Variants in MYO18B observed in about 807,000 individuals in gnomAD.
The protein encoded by MYO18B is unconventional myosin-XVIIIb.
MYO18B carries 204 observed loss-of-function variants against 273.0 expected under a neutral mutation model. The observed-to-expected ratio is 0.75, with a 90% CI of 0.67 to 0.84. The LOEUF is 0.84. Ranked by LOEUF, MYO18B falls within the 40% of genes least tolerant of loss-of-function variation. MYO18B has a pLI of 0.00. For missense variants in MYO18B, 3,212 were observed against 3,287.6 expected (o/e 0.98, Z 0.56); for synonymous variants, 1,330 against 1,305.7 (o/e 1.02, Z -0.40).
At position 25,927,384 on chromosome 22, in the gene MYO18B, G is replaced by C. The variant is rs543453878; in HGVS notation, c.5517+5975G>C. On this transcript the variant is annotated intron_variant, in intron 34 of 43. Transcript: ENST00000335473. ...CCCCTAGGTGCGCCTGTCTCTTATG[G>C]TCGAGACTGCAGGGGTGAAAGAGAC... 3.2e-4 allele frequency among the ~76,000 whole-genome samples: 48 copies of C among 152,232 alleles called. No individual in the cohort carries two copies. The South Asian group carries it at 4.4e-3, about 14-fold the overall frequency.
intron 39 of MYO18B, among the ~76,000 whole-genome samples, chr22:25,984,102 A>G (rs532993741): frequency 2.2e-4 from 34 of 151,982 alleles, no homozygotes; most frequent in African/African-American, 8.0e-4. Context: ...CGTGCTACCA[A>G]TTTAGGTAGG....
At position 25,916,415 on chromosome 22, in the gene MYO18B, C is replaced by T. The variant is rs374371096; in HGVS notation, c.5365-4842C>T. 1.3e-3 allele frequency among the ~76,000 whole-genome samples: 196 copies of T among 152,138 alleles called. 1 individual carries two copies. The highest frequency in any genetic ancestry group is 4.6e-3 in the African/African-American group (192 of 41,498). On this transcript the variant is annotated intron_variant, in intron 33 of 43. Coordinates refer to ENST00000335473, the MANE Select transcript of MYO18B (RefSeq NM_032608.7). ...AGTTTTAGTATTAAAATGTTTAACT[C>T]ACCTTCAATATTTTTTATCCCACTT...
chr22:25,946,693 G>T (rs1365017242), intron 35 of MYO18B, among the ~76,000 whole-genome samples: 1 of 152,138 alleles, frequency 6.6e-6, no homozygotes, highest in South Asian at 2.1e-4. Context: ...CACCCTGCTT[G>T]CCACTCTAAG....
chr22:25,813,332 G>T (rs899359605), intron 12 of MYO18B, among the ~76,000 whole-genome samples: 1 of 151,918 alleles, frequency 6.6e-6, no homozygotes, highest in Non-Finnish European at 1.5e-5. Context: ...TTACAGGCAT[G>T]AGCCACCGCA....
intron 8 of MYO18B, among the ~76,000 whole-genome samples, 172 bp downstream of exon 8, chr22:25,777,953 T>C (rs577843245): frequency 2.6e-5 from 4 of 152,310 alleles, no homozygotes; most frequent in African/African-American, 9.6e-5. Flanking sequence ...TGGGATGCAT[T>C]TGTTGAAATT....
chr22:26,056,665 T>C, the MYO18B span, among the ~76,000 whole-genome samples: 1 of 152,192 alleles, frequency 6.6e-6, no homozygotes, highest in Non-Finnish European at 1.5e-5. Flanking sequence ...CCTACTCAGC[T>C]CTTCGTTCCC....
intron 8 of MYO18B, 133 bp from the exon 9 acceptor site, chr22:25,779,923 G>GA (rs2087063659): frequency 7.7e-6 from 9 of 1,162,670 alleles, no homozygotes; most frequent in Non-Finnish European, 1.1e-5. Context: ...AAGCTCACAG[G>GA]AAGCCCACCG....
chr22:25,874,223 A>ACCG, intron 22 of MYO18B, 63 bp from the exon 23 acceptor site: 2 of 1,591,344 alleles, frequency 1.3e-6, no homozygotes, highest in South Asian at 1.1e-5. Flanking sequence ...ATTTGCAAGC[A>ACCG]CCCCCCCATT....
At chr22:25,938,611 G>T (rs920087440) in intron 34 of MYO18B, among the ~76,000 whole-genome samples, 1 of 152,306 alleles carries the variant, frequency 6.6e-6, no homozygotes, top group South Asian at 2.1e-4. Context: ...AAGTGGCCAC[G>T]CAGTGCGTAA....
intron 20 of MYO18B, among the ~76,000 whole-genome samples, chr22:25,849,002 A>G (rs1415581365): frequency 6.6e-6 from 1 of 152,238 alleles, no homozygotes; most frequent in Non-Finnish European, 1.5e-5. Flanking sequence ...TCCGCTGAGC[A>G]TATCAATGAT....
rs746094738 is a variant in MYO18B, at chr22:25,769,080, C to T, written c.1164C>T (p.Ser388=). 1.2e-6 allele frequency: 2 copies of T among 1,613,054 alleles called. No homozygotes were observed. Among genetic ancestry groups the T allele is most frequent in the South Asian group, 1.1e-5 (1 of 90,844 alleles). Residue 388 remains serine (S), a synonymous_variant, in exon 4 of 44, where the codon TCC becomes TCT. Coordinates refer to ENST00000335473, the MANE Select transcript of MYO18B (RefSeq NM_032608.7). ...GCACGACTGGGAAGGCAGGTGAGTCCTGGGATAAGAAGGAAAAGATGGGGC... is the reference window on the plus strand; with the variant it reads ...GCACGACTGGGAAGGCAGGTGAGTCTTGGGATAAGAAGGAAAAGATGGGGC... ...LRSTTGKAGE[S]WDKKEKMGQP... is the part of the protein sequence containing the mutation.
At chr22:25,872,664 CT>C (rs60248500) in intron 22 of MYO18B, among the ~76,000 whole-genome samples, 13 of 149,204 alleles carry the variant, frequency 8.7e-5, no homozygotes, top group African/African-American at 9.8e-5. Flanking sequence ...GGGCCAATGC[CT>C]TTTTTTTTTA....
At chr22:25,759,875 A>G (rs527409868) in intron 1 of MYO18B, among the ~76,000 whole-genome samples, 1 of 152,182 alleles carries the variant, frequency 6.6e-6, no homozygotes, top group Non-Finnish European at 1.5e-5. Flanking sequence ...TTTCAATGCT[A>G]CAGTCAACAT....
intron 20 of MYO18B, among the ~76,000 whole-genome samples, chr22:25,849,905 G>A (rs1401688781): frequency 6.6e-6 from 1 of 152,214 alleles, no homozygotes; most frequent in Non-Finnish European, 1.5e-5. Flanking sequence ...TCCTCATAGT[G>A]ACCATGTGAA....
At chr22:25,777,537 A>AG in intron 7 of MYO18B, 46 bp from the exon 8 acceptor site, 1 of 1,534,024 alleles carries the variant, frequency 6.5e-7, no homozygotes, top group Non-Finnish European at 8.8e-7. Context: ...AATGCTCCCT[A>AG]GGCAGTGGCT....
At chr22:25,850,677 A>G (rs1204329303) in intron 20 of MYO18B, among the ~76,000 whole-genome samples, 3 of 152,082 alleles carry the variant, frequency 2.0e-5, no homozygotes, top group African/African-American at 4.8e-5. Flanking sequence ...TCCTGGGCTC[A>G]AGTAATTCTC....
intron 39 of MYO18B, among the ~76,000 whole-genome samples, chr22:25,958,429 C>T (rs1246412143): frequency 6.6e-6 from 1 of 152,134 alleles, no homozygotes; most frequent in East Asian, 1.9e-4. Flanking sequence ...CTTCCAAATA[C>T]TGGATGTCCT....
chr22:25,919,504 T>G (rs1292248973), intron 33 of MYO18B, among the ~76,000 whole-genome samples: 1 of 152,246 alleles, frequency 6.6e-6, no homozygotes, highest in Non-Finnish European at 1.5e-5. Flanking sequence ...TTTAGAATAG[T>G]ATATGACACT....
At chr22:25,956,705 C>A (rs1206113811) in intron 39 of MYO18B, among the ~76,000 whole-genome samples, 1 of 152,110 alleles carries the variant, frequency 6.6e-6, no homozygotes, top group Non-Finnish European at 1.5e-5. Flanking sequence ...GTATCTGGCA[C>A]CCCTATCGCC....
Sources: allele counts gnomAD v4.1 joint callset (sites outside exome capture counted in the v4.1 genomes callset), GRCh38; gene constraint gnomAD v4.1.1; transcripts MANE v1.5; gene names NCBI Gene and HGNC (gene_info 2026-07-23, HGNC 2026-07-21).